The following DNAJB6 variants were observed in gnomAD, a reference collection of about 807,000 sequenced individuals.
DNAJB6 encodes dnaJ homolog subfamily B member 6.
A neutral mutation model predicts 42.7 loss-of-function variants in DNAJB6; 16 were observed. The observed-to-expected ratio is 0.37, with a 90% CI of 0.25 to 0.57. The LOEUF (loss-of-function observed/expected upper bound fraction) is 0.57, where lower values mean the gene tolerates loss of function less well. DNAJB6 is among the 20% of genes least tolerant of loss of function. The pLI is 0.74. For missense variants in DNAJB6, 347 were observed against 416.8 expected, an observed-to-expected ratio of 0.83 and a Z score of 1.46; for synonymous variants, 170 against 163.5, an observed-to-expected ratio of 1.04 and a Z score of -0.30.
intron 1 of DNAJB6, among the ~76,000 whole-genome samples, chr7:157,350,790 A>G (rs944587012): frequency 6.6e-6 from 1 of 151,864 alleles, no homozygotes; most frequent in African/African-American, 2.4e-5. Flanking sequence ...CCCAGGTTCA[A>G]GTGAGTCTCC....
intron 8 of DNAJB6, among the ~76,000 whole-genome samples, chr7:157,403,028 G>T (rs980401758): frequency 6.6e-6 from 1 of 152,090 alleles, no homozygotes; most frequent in African/African-American, 2.4e-5. Context: ...GGTGGTCGGG[G>T]CGCGGCTTGG....
intron 1 of DNAJB6, among the ~76,000 whole-genome samples, chr7:157,346,316 TAA>T (rs60806134): frequency 8.2e-4 from 96 of 117,700 alleles, no homozygotes; most frequent in East Asian, 4.3e-3. Context: ...CAAGGAGTAG[TAA>T]AAAAAAAAAA....
At chr7:157,338,011 T>G (rs1798141997) in intron 1 of DNAJB6, among the ~76,000 whole-genome samples, 1 of 152,212 alleles carries the variant, frequency 6.6e-6, no homozygotes, top group Non-Finnish European at 1.5e-5. Context: ...GCTCGGAGGC[T>G]TCAGCCTGTT....
At chr7:157,369,866 A>G in intron 5 of DNAJB6, among the ~76,000 whole-genome samples, 1 of 148,088 alleles carries the variant, frequency 6.8e-6, no homozygotes, top group Non-Finnish European at 1.5e-5. Context: ...CCCCTTCTTC[A>G]CATTATTATT....
At chr7:157,365,393 C>CA (rs1353058695) in intron 3 of DNAJB6, among the ~76,000 whole-genome samples, 2 of 152,244 alleles carry the variant, frequency 1.3e-5, no homozygotes, top group Admixed American at 6.5e-5. Flanking sequence ...ACACTAGCCC[C>CA]AGGCCTTGCA....
chr7:157,391,002 C>G (rs1045958687), intron 8 of DNAJB6, among the ~76,000 whole-genome samples: 1 of 152,160 alleles, frequency 6.6e-6, no homozygotes, highest in Admixed American at 6.6e-5. Context: ...GCCTGGCTAA[C>G]TTTTTGTATT....
chr7:157,366,465 G>C, intron 3 of DNAJB6, 37 bp from the exon 4 acceptor site: 1 of 1,594,346 alleles, frequency 6.3e-7, no homozygotes, highest in Non-Finnish European at 8.6e-7. Context: ...GGGTTTAAAA[G>C]GAACTTGGCC....
intron 1 of DNAJB6, among the ~76,000 whole-genome samples, chr7:157,341,241 C>G (rs1201977397): frequency 1.3e-5 from 2 of 152,158 alleles, no homozygotes; most frequent in African/African-American, 4.8e-5. Flanking sequence ...TCTCCTGCCT[C>G]AGCCTCCCGA....
chr7:157,390,255 G>C (rs1801274221), intron 8 of DNAJB6, among the ~76,000 whole-genome samples: 1 of 152,214 alleles, frequency 6.6e-6, no homozygotes, highest in South Asian at 2.1e-4. Flanking sequence ...GCTGTTGGAG[G>C]CTTGCCATGT....
At chr7:157,395,026 A>G (rs1801515837) in intron 8 of DNAJB6, among the ~76,000 whole-genome samples, 1 of 152,108 alleles carries the variant, frequency 6.6e-6, no homozygotes, top group Non-Finnish European at 1.5e-5. Context: ...GTGGAGGTCA[A>G]GGCTGCAGTG....
intron 3 of DNAJB6, among the ~76,000 whole-genome samples, chr7:157,365,851 A>G (rs924270084): frequency 2.6e-5 from 4 of 151,080 alleles, no homozygotes; most frequent in African/African-American, 9.7e-5. Context: ...TTTAGTAGAG[A>G]CTGGGTTTCT....
intron 5 of DNAJB6, chr7:157,369,046 G>A (rs1252950310): frequency 5.5e-6 from 2 of 361,052 alleles, no homozygotes; most frequent in Admixed American, 7.6e-5. Context: ...GGCTTGAAGA[G>A]AGCCCCTTTC....
intron 8 of DNAJB6, among the ~76,000 whole-genome samples, chr7:157,394,529 G>A (rs1337993140): frequency 6.7e-6 from 1 of 150,124 alleles, no homozygotes; most frequent in African/African-American, 2.4e-5. Flanking sequence ...CCCTGTCTCA[G>A]AAAAAAAAAA....
In DNAJB6 at chr7:157,381,493, C is replaced by T. The variant is rs1287169288; in HGVS notation, c.347-753C>T. ...ATAACAGCAACAGAGGAAAACAAAA[C>T]GGTCAGTTCCGATCTTGATTTCCAG... On this transcript the variant is annotated intron_variant, in intron 5 of 9. Transcript: ENST00000262177. 4.6e-5 allele frequency: 7 copies of T among 152,208 alleles called. No homozygotes were observed. The South Asian group carries it at 1.2e-3, about 27-fold the overall frequency. The allele number at this position is 152,208 out of a possible 1,614,324, so 9.4% of individuals were successfully genotyped here. A position where few individuals can be genotyped will look rare whatever the true frequency, so the allele number is the denominator to read the frequency against.
chr7:157,340,362 G>A (rs1412798865), intron 1 of DNAJB6, among the ~76,000 whole-genome samples: 1 of 152,128 alleles, frequency 6.6e-6, no homozygotes, highest in African/African-American at 2.4e-5. Flanking sequence ...GCAGGATTTA[G>A]CAAATGGTGT....
At chr7:157,340,756 A>G (rs1584869838) in intron 1 of DNAJB6, among the ~76,000 whole-genome samples, 1 of 151,542 alleles carries the variant, frequency 6.6e-6, no homozygotes, top group Non-Finnish European at 1.5e-5. Flanking sequence ...GGCTCACTGC[A>G]CTCCTGGGTT....
In DNAJB6 at chr7:157,406,587, G is replaced by A. The variant is rs562020138; in HGVS notation, c.692-3208G>A. On this transcript the variant is annotated intron_variant, in intron 8 of 9. Transcript: ENST00000262177. ...GGAGTGGCTGAGCTGTGCAGGAGAG[G>A]ATGGGGCGCAGGCATCCACAGGAGC... Among the ~76,000 whole-genome samples the A allele has an allele frequency of 3.9e-5, 6 of 152,328 alleles. No individual in the cohort carries two copies. In the East Asian group the frequency reaches 1.2e-3, roughly 29 times the overall value.
rs555983068 is a variant in DNAJB6 at position 157,355,134 on chromosome 7, C to T, written c.-26-3413C>T. On this transcript the variant is annotated intron_variant, in intron 1 of 9. Transcript: ENST00000262177. The stretch of plus-strand genomic sequence containing the variant: ...ATGAGAGTTGGCCTTGAGCCTTTAG[C>T]GTTCCCGTAGTTTCTTTTATTTATT... 2.6e-5 allele frequency among the ~76,000 whole-genome samples: 4 copies of T among 152,232 alleles called. No individual in the cohort carries two copies. The South Asian group carries it at 6.2e-4, about 24-fold the overall frequency.
chr7:157,386,000 G>A (rs1034944898), intron 8 of DNAJB6: 24 of 995,178 alleles, frequency 2.4e-5, no homozygotes, highest in African/African-American at 1.7e-4. Flanking sequence ...TGTGAGCCAC[G>A]TAGTGTCGGC....
Sources: gnomAD v4.1 joint callset for allele counts (sites outside exome capture counted in the v4.1 genomes callset) on GRCh38, gnomAD v4.1.1 for gene constraint, MANE v1.5 for transcripts, NCBI Gene and HGNC (gene_info 2026-07-23, HGNC 2026-07-21) for gene names.